The following MTFR1 variants were observed in gnomAD, a reference collection of about 807,000 sequenced individuals.
MTFR1 encodes chondrocyte protein with a poly-proline region.
MTFR1 carries 28 observed loss-of-function variants against 38.8 expected under a neutral mutation model. The ratio of observed to expected loss-of-function variants is 0.72; its 90% CI spans 0.53 to 0.99. The LOEUF (loss-of-function observed/expected upper bound fraction) is 0.99. MTFR1 is among the 50% of genes least tolerant of loss of function. MTFR1 has a pLI of 0.00. For missense variants in MTFR1, 358 were observed against 395.5 expected, an observed-to-expected ratio of 0.91 and a Z score of 0.81; for synonymous variants, 145 against 137.0, an observed-to-expected ratio of 1.06 and a Z score of -0.41.
chr8:65,678,908 A>G (rs1211855771), intron 2 of MTFR1, among the ~76,000 whole-genome samples: 2 of 152,182 alleles, frequency 1.3e-5, no homozygotes, highest in Admixed American at 1.3e-4. Flanking sequence ...AAAAAAGCTG[A>G]ATCATTGGCC....
chr8:65,714,030 T>G (rs190978864), downstream of MTFR1, among the ~76,000 whole-genome samples: 409 of 151,924 alleles, frequency 2.7e-3, no homozygotes, highest in African/African-American at 9.6e-3. Context: ...TGGTGTCATT[T>G]TTATCATTAC....
chr8:65,751,175 T>TTC (rs773829834), intron 3 of MTFR1, among the ~76,000 whole-genome samples: 1 of 152,212 alleles, frequency 6.6e-6, no homozygotes, highest in Non-Finnish European at 1.5e-5. Flanking sequence ...CAAGATTATA[T>TTC]TCTGGTAAAG....
intron 3 of MTFR1, among the ~76,000 whole-genome samples, chr8:65,684,289 A>G (rs1017047360): frequency 6.6e-6 from 1 of 152,232 alleles, no homozygotes; most frequent in Non-Finnish European, 1.5e-5. Flanking sequence ...TAAGGAGAAG[A>G]GTAAGGTACG....
chr8:65,654,064 CAAAAAAAAA>C (rs34665689), intron 1 of MTFR1, among the ~76,000 whole-genome samples: 8 of 83,676 alleles, frequency 9.6e-5, no homozygotes, highest in African/African-American at 4.4e-4. Flanking sequence ...CTTTGTCTCT[CAAAAAAAAA>C]AAAAAAAAAG....
intron 1 of MTFR1, among the ~76,000 whole-genome samples, chr8:65,645,082 C>G (rs1808914029): frequency 6.6e-6 from 1 of 152,224 alleles, no homozygotes; most frequent in Non-Finnish European, 1.5e-5. Context: ...CCCTACACCT[C>G]CTGCCCCCTC....
At chr8:65,736,084 T>C (rs980339374) in intron 3 of MTFR1, among the ~76,000 whole-genome samples, 1 of 152,168 alleles carries the variant, frequency 6.6e-6, no homozygotes, top group Non-Finnish European at 1.5e-5. Context: ...AATGCGCAAT[T>C]TATAAGTTAG....
chr8:65,650,987 A>T (rs567178753), intron 1 of MTFR1, among the ~76,000 whole-genome samples: 2 of 146,118 alleles, frequency 1.4e-5, no homozygotes, highest in Non-Finnish European at 3.1e-5. Flanking sequence ...TTTTGAATAT[A>T]AGCCATTTTA....
At chr8:65,745,435 A>G in intron 3 of MTFR1, 1 of 1,576,054 alleles carries the variant, frequency 6.3e-7, no homozygotes, top group Non-Finnish European at 8.7e-7. Flanking sequence ...ATAGAAAGAT[A>G]TCAAAATTCC....
At chr8:65,661,604 G>A (rs1268997143) in intron 1 of MTFR1, among the ~76,000 whole-genome samples, 2 of 152,066 alleles carry the variant, frequency 1.3e-5, no homozygotes, top group Non-Finnish European at 2.9e-5. Flanking sequence ...ACTTCAGCCT[G>A]GGTGACAGAG....
At chr8:65,672,125 T>C (rs1052372142) in intron 2 of MTFR1, among the ~76,000 whole-genome samples, 29 of 152,226 alleles carry the variant, frequency 1.9e-4, no homozygotes, top group African/African-American at 1.7e-4. Flanking sequence ...CTCAAAATAT[T>C]GTAATTACAA....
rs144265003 is a variant in MTFR1, at chr8:65,668,525, CTTTTTT to C, written c.-80-1336_-80-1331del. On this transcript the variant is annotated intron_variant, in intron 1 of 7. Transcript: ENST00000262146. ...TTTCTTTTTTTTGTTTTTCTTTTTT[CTTTTTT>C]TTTTTTTTTTTAAGACGGAGTCACT... Among the ~76,000 whole-genome samples, 758 of 127,018 alleles carry C rather than the reference CTTTTTT, an allele frequency of 6.0e-3. 1 individual carries two copies. Among genetic ancestry groups the C allele is most frequent in the Non-Finnish European group, 8.0e-3 (497 of 62,478 alleles). 83.3% of individuals were successfully genotyped at this position (127,018 alleles called of 152,430 possible).
At chr8:65,729,588 CAG>C (rs956864581) in intron 3 of MTFR1, among the ~76,000 whole-genome samples, 13 of 151,868 alleles carry the variant, frequency 8.6e-5, no homozygotes, top group African/African-American at 2.4e-4. Context: ...TTTTTTGTGA[CAG>C]AGTCTTGCTG....
chr8:65,761,437 A>G (rs1175421866), intron 3 of MTFR1, among the ~76,000 whole-genome samples: 1 of 152,206 alleles, frequency 6.6e-6, no homozygotes, highest in African/African-American at 2.4e-5. Flanking sequence ...TGCACAACAG[A>G]TTAAACTTGC....
intron 2 of MTFR1, among the ~76,000 whole-genome samples, chr8:65,673,226 G>T (rs1203396892): frequency 6.6e-6 from 1 of 152,186 alleles, no homozygotes. Flanking sequence ...GAATAGGGAG[G>T]TCTGAGATTG....
chr8:65,703,760 T>A (rs182269165), intron 4 of MTFR1, among the ~76,000 whole-genome samples: 30 of 152,268 alleles, frequency 2.0e-4, no homozygotes, highest in African/African-American at 7.0e-4. Context: ...TTTTTGTATT[T>A]GTTTTTATTT....
intron 3 of MTFR1, chr8:65,721,694 A>G (rs1022870266): frequency 2.6e-5 from 4 of 152,194 alleles, no homozygotes; most frequent in Non-Finnish European, 5.9e-5. Context: ...AAGTTCTCCC[A>G]TTAAGCAAGG....
chr8:65,660,674 T>A (rs1455720172), intron 1 of MTFR1, among the ~76,000 whole-genome samples: 1 of 152,208 alleles, frequency 6.6e-6, no homozygotes, highest in Non-Finnish European at 1.5e-5. Flanking sequence ...CAATCCCTCA[T>A]AATAAATCTG....
intron 3 of MTFR1, chr8:65,727,621 C>A: frequency 4.8e-6 from 1 of 207,034 alleles, no homozygotes. Context: ...GAAATAATGG[C>A]TTTAAAATGA....
intron 7 of MTFR1, chr8:65,708,331 T>C (rs967072545): frequency 7.4e-6 from 3 of 404,922 alleles, no homozygotes; most frequent in African/African-American, 4.1e-5. Context: ...TGTTACATTT[T>C]CTATGCAGGG....
Sources: gnomAD v4.1 joint callset for allele counts (sites outside exome capture counted in the v4.1 genomes callset) on GRCh38, gnomAD v4.1.1 for gene constraint, MANE v1.5 for transcripts, NCBI Gene and HGNC (gene_info 2026-07-23, HGNC 2026-07-21) for gene names.